Variants in SV2B observed in about 807,000 individuals in gnomAD.
SV2B encodes solute carrier family 22 member B2.
A neutral mutation model predicts 73.9 loss-of-function variants in SV2B; 41 were observed. The ratio of observed to expected loss-of-function variants is 0.56; its 90% CI spans 0.43 to 0.72. The LOEUF is 0.72. Ranked by LOEUF, SV2B falls within the 30% of genes least tolerant of loss-of-function variation. SV2B has a pLI of 0.00. For missense variants in SV2B, 764 were observed against 857.8 expected, an observed-to-expected ratio of 0.89 and a Z score of 1.37; for synonymous variants, 314 against 314.2, an observed-to-expected ratio of 1.00 and a Z score of 0.01.
intron 1 of SV2B, among the ~76,000 whole-genome samples, chr15:91,116,965 G>A (rs2042198282): frequency 6.6e-6 from 1 of 152,122 alleles, no homozygotes; most frequent in Admixed American, 6.5e-5. Flanking sequence ...GGAAAAACCT[G>A]CCCCCATGAT....
intron 2 of SV2B, among the ~76,000 whole-genome samples, chr15:91,230,477 G>A (rs1271252133): frequency 6.6e-6 from 1 of 152,116 alleles, no homozygotes; most frequent in Non-Finnish European, 1.5e-5. Context: ...TCTGGGTGCT[G>A]CTGTCCTATT....
chr15:91,287,203 G>T (rs988976122), intron 11 of SV2B, among the ~76,000 whole-genome samples: 2 of 152,188 alleles, frequency 1.3e-5, no homozygotes, highest in Non-Finnish European at 2.9e-5. Flanking sequence ...TAGTTCATCA[G>T]CAAGGATTGG....
rs984543524 is a variant in SV2B at position 91,293,232 on chromosome 15, A to G, written c.*680A>G. The G allele has an allele frequency of 2.0e-5, 3 of 152,240 alleles. No individual in the cohort carries two copies. Among genetic ancestry groups the G allele is most frequent in the Non-Finnish European group, 4.4e-5 (3 of 68,050 alleles). 9.4% of individuals were successfully genotyped at this position (152,240 alleles called of 1,614,324 possible). On this transcript the variant is annotated 3_prime_UTR_variant, in exon 13 of 13. Coordinates refer to ENST00000394232, the MANE Select transcript of SV2B (RefSeq NM_001323032.3). ...GCTCTATTCAAAGAAACGGAATGGG[A>G]TAGTTATTCTGTAAACTAAGTTTGT...
In SV2B at chr15:91,232,539, C is replaced by T. The variant is rs186181981; in HGVS notation, c.451+5825C>T. Among the ~76,000 whole-genome samples, 2 of 152,172 alleles carry T rather than the reference C, an allele frequency of 1.3e-5. No homozygotes were observed. Among genetic ancestry groups the T allele is most frequent in the East Asian group, 3.9e-4 (2 of 5,172 alleles). On this transcript the variant is annotated intron_variant, in intron 2 of 12. Transcript: ENST00000394232. This position sits in a 1 kb window ranked among gnomAD's most constrained non-coding sequence, Gnocchi z 4.7. ...CCTGTGGTTTAGGATGATCACTCTG[C>T]CCCAGTGATTTTGGTACTGAGAGTG...
chr15:91,169,987 G>T (rs1428210652), intron 1 of SV2B, among the ~76,000 whole-genome samples: 1 of 152,220 alleles, frequency 6.6e-6, no homozygotes. Flanking sequence ...CTTTCCGATG[G>T]TTGAAGGGGC....
chr15:91,268,312 A>G lies in SV2B; in HGVS notation c.1209-129A>G, dbSNP rs1439158357. The stretch of plus-strand genomic sequence containing the variant: ...TTAATATGAGGATTTATATTGTCAG[A>G]TTTTCTAATAATGAACCAAATTAAT... On this transcript the variant is annotated intron_variant, in intron 8 of 12. Coordinates refer to ENST00000394232, the MANE Select transcript of SV2B (RefSeq NM_001323032.3). This position sits in a 1 kb window ranked among gnomAD's most constrained non-coding sequence, Gnocchi z 4.4. 1.0e-6 allele frequency: 1 copy of G among 959,744 alleles called. No individual in the cohort carries two copies. Among genetic ancestry groups the G allele is most frequent in the Non-Finnish European group, 1.5e-6 (1 of 666,486 alleles). 59.5% of individuals were successfully genotyped at this position (959,744 alleles called of 1,614,324 possible).
chr15:91,193,019 A>G (rs1197696253), intron 1 of SV2B, among the ~76,000 whole-genome samples: 2 of 152,180 alleles, frequency 1.3e-5, no homozygotes, highest in East Asian at 3.8e-4. Flanking sequence ...AAGAGACACA[A>G]ATCTATCTAC....
chr15:91,119,349 A>G (rs150541557), intron 1 of SV2B, among the ~76,000 whole-genome samples: 102 of 152,308 alleles, frequency 6.7e-4, no homozygotes, highest in Non-Finnish European at 1.3e-3. Flanking sequence ...CCAGCAATTC[A>G]TTTGTTCTCA....
chr15:91,265,909 A>T lies in SV2B; in HGVS notation c.1009-673A>T, dbSNP rs1021300060. ...TATAATCCCAGCACTGTGGGAGGCC[A>T]AGGCAGGTGGATCACGAGGCCAGGA... On this transcript the variant is annotated intron_variant, in intron 6 of 12. Transcript: ENST00000394232. The surrounding 1 kb of genome is among the most constrained non-coding windows in gnomAD (Gnocchi z 4.2). 6.6e-6 allele frequency among the ~76,000 whole-genome samples: 1 copy of T among 152,244 alleles called. No individual in the cohort carries two copies. Among genetic ancestry groups the T allele is most frequent in the Admixed American group, 6.5e-5 (1 of 15,288 alleles).
intron 9 of SV2B, among the ~76,000 whole-genome samples, chr15:91,271,909 C>T (rs2048329580): frequency 6.6e-6 from 1 of 152,128 alleles, no homozygotes; most frequent in African/African-American, 2.4e-5. Flanking sequence ...TCATACTTGG[C>T]TGATTTAAGG....
rs915992521 is a variant in SV2B at position 91,268,713 on chromosome 15, C to T, written c.1373+108C>T. 13 of 1,404,952 alleles carry T rather than the reference C, an allele frequency of 9.3e-6. No individual in the cohort carries two copies. The highest frequency in any genetic ancestry group is 2.3e-5 in the East Asian group (1 of 42,636). The allele number at this position is 1,404,952 out of a possible 1,614,324, so 87.0% of individuals were successfully genotyped here. ...AGAATCAAATATGGCCGGGAATGAG[C>T]GCCAAGGCTGGTGTCATCATCACAA... On this transcript the variant is annotated intron_variant, in intron 9 of 12. Transcript: ENST00000394232. The surrounding 1 kb of genome is among the most constrained non-coding windows in gnomAD (Gnocchi z 4.4).
Position 91,137,729 on chromosome 15 carries a change from C to T in SV2B, c.-392+37366C>T, listed in dbSNP as rs1810008312. 6.6e-6 allele frequency among the ~76,000 whole-genome samples: 1 copy of T among 151,180 alleles called. No homozygotes were observed. The highest frequency in any genetic ancestry group is 2.4e-5 in the African/African-American group (1 of 41,186). ...ACAGGTTATTAATTGTAGCCAACAG[C>T]ATTAATTCATCGGAACACATCAAAT... On this transcript the variant is annotated intron_variant, in intron 1 of 12. Transcript: ENST00000394232. The surrounding 1 kb of genome is among the most constrained non-coding windows in gnomAD (Gnocchi z 4.9).
rs980656429 is a variant in SV2B, at chr15:91,287,911, C to T, written c.1709-1610C>T. On this transcript the variant is annotated intron_variant, in intron 11 of 12. Coordinates refer to ENST00000394232, the MANE Select transcript of SV2B (RefSeq NM_001323032.3). Reference sequence around the variant, plus strand: ...TTGCACTCACAGAGCTCCATGGGGGCTGGAGCCGTGGAGCAAGAGCTACCT... The same window carrying T: ...TTGCACTCACAGAGCTCCATGGGGGTTGGAGCCGTGGAGCAAGAGCTACCT... Among the ~76,000 whole-genome samples the T allele has an allele frequency of 2.6e-5, 4 of 152,290 alleles. 1 individual carries two copies. Among genetic ancestry groups the T allele is most frequent in the Admixed American group, 6.5e-5 (1 of 15,304 alleles).
At chr15:91,161,215 G>C (rs1347783825) in intron 1 of SV2B, among the ~76,000 whole-genome samples, 1 of 152,102 alleles carries the variant, frequency 6.6e-6, no homozygotes, top group Non-Finnish European at 1.5e-5. Context: ...TCTAAAACTG[G>C]TTTATAGTGA....
At chr15:91,104,665 C>G (rs2041829336) in intron 1 of SV2B, among the ~76,000 whole-genome samples, 1 of 152,188 alleles carries the variant, frequency 6.6e-6, no homozygotes, top group African/African-American at 2.4e-5. Flanking sequence ...TGGAGTTTCA[C>G]TCTTGTTGCC....
At chr15:91,127,233 C>T (rs1382252831) in intron 1 of SV2B, among the ~76,000 whole-genome samples, 1 of 152,162 alleles carries the variant, frequency 6.6e-6, no homozygotes, top group African/African-American at 2.4e-5. Context: ...GCTTTCTTCC[C>T]TCTGGGATGC....
rs189045017 is a variant in SV2B at position 91,236,506 on chromosome 15, A to C, written c.451+9792A>C. Among the ~76,000 whole-genome samples the C allele has an allele frequency of 1.7e-4, 26 of 152,334 alleles. 1 individual carries two copies. The South Asian group carries it at 2.3e-3, about 13-fold the overall frequency. ...TACTGAGAATGGAGGTGGAAGTTGC[A>C]GAGTTGGGAGTGGGCTGGAAATATA... On this transcript the variant is annotated intron_variant, in intron 2 of 12. Coordinates refer to ENST00000394232, the MANE Select transcript of SV2B (RefSeq NM_001323032.3). This position sits in a 1 kb window ranked among gnomAD's most constrained non-coding sequence, Gnocchi z 4.1.
intron 4 of SV2B, among the ~76,000 whole-genome samples, chr15:91,254,636 T>C (rs2269798): frequency 0.15 from 22,491 of 152,218 alleles, 1,704 homozygotes; most frequent in Non-Finnish European, 0.17. Context: ...CTGTGTGATA[T>C]GGGACAAGTC....
intron 1 of SV2B, among the ~76,000 whole-genome samples, chr15:91,182,697 C>G (rs2044627424): frequency 6.6e-6 from 1 of 152,140 alleles, no homozygotes; most frequent in South Asian, 2.1e-4. Flanking sequence ...AGAGTCTGTT[C>G]TTATGGCAGA....
Sources: allele counts gnomAD v4.1 joint callset (sites outside exome capture counted in the v4.1 genomes callset), GRCh38; gene constraint gnomAD v4.1.1; non-coding constraint Gnocchi (gnomAD v3.1); transcripts MANE v1.5; gene names NCBI Gene and HGNC (gene_info 2026-07-23, HGNC 2026-07-21).